The following GDPD5 variants were observed in gnomAD, a reference collection of about 807,000 sequenced individuals.
GDPD5 encodes the protein glycerophosphodiester phosphodiesterase domain containing 5.
In GDPD5, 48 loss-of-function variants were observed where a neutral mutation model predicts 75.1. The observed-to-expected ratio is 0.64, with a 90% CI of 0.51 to 0.81. GDPD5 has a LOEUF of 0.81. Ranked by LOEUF, GDPD5 falls within the 40% of genes least tolerant of loss-of-function variation. The probability of loss-of-function intolerance (pLI) is 0.00; values close to 1 mark genes in which losing one functional copy is unlikely to be tolerated. For missense variants in GDPD5, 706 were observed against 822.6 expected (o/e 0.86, Z 1.73); for synonymous variants, 336 against 339.0 (o/e 0.99, Z 0.10).
At chr11:75,444,268 G>A in intron 10 of GDPD5, 145 bp downstream of exon 10, 1 of 632,676 alleles carries the variant, frequency 1.6e-6, no homozygotes, top group Non-Finnish European at 2.9e-6. Flanking sequence ...GCAGGAACAG[G>A]GTGCCTGCCC....
chr11:75,441,411 T>C (rs920375229), intron 13 of GDPD5, 101 bp from the exon 14 acceptor site: 7 of 1,445,744 alleles, frequency 4.8e-6, no homozygotes, highest in Non-Finnish European at 6.7e-6. Flanking sequence ...CTCACAGCCA[T>C]GCCCGGGGCA....
At chr11:75,499,325 C>T (rs987538991) in intron 1 of GDPD5, among the ~76,000 whole-genome samples, 4 of 152,070 alleles carry the variant, frequency 2.6e-5, no homozygotes, top group African/African-American at 9.7e-5. Context: ...GTTTATACCC[C>T]CAAATGCCAC....
At chr11:75,468,685 C>A (rs74383075) in intron 3 of GDPD5, among the ~76,000 whole-genome samples, 2,639 of 152,134 alleles carry the variant, frequency 0.017, 36 homozygotes, top group Non-Finnish European at 0.027. Context: ...CGACGCCCCC[C>A]CCCCGGGAGG....
At chr11:75,446,614 G>A (rs1439945622) in intron 9 of GDPD5, among the ~76,000 whole-genome samples, 4 of 152,232 alleles carry the variant, frequency 2.6e-5, no homozygotes, top group Non-Finnish European at 5.9e-5. Context: ...CAGAGGGACA[G>A]GCCACATCTG....
intron 9 of GDPD5, among the ~76,000 whole-genome samples, chr11:75,447,612 AC>A (rs1411404571): frequency 1.3e-5 from 2 of 152,026 alleles, no homozygotes; most frequent in African/African-American, 4.8e-5. Flanking sequence ...CATATATTTG[AC>A]CTTTTTCTAC....
intron 3 of GDPD5, among the ~76,000 whole-genome samples, chr11:75,472,645 G>A (rs1949695015): frequency 6.6e-6 from 1 of 152,102 alleles, no homozygotes; most frequent in African/African-American, 2.4e-5. Context: ...GGGTCCGGCT[G>A]CCCCACCTGG....
chr11:75,462,412 C>T (rs531738525), intron 4 of GDPD5, among the ~76,000 whole-genome samples: 18 of 152,340 alleles, frequency 1.2e-4, no homozygotes, highest in African/African-American at 3.8e-4. Context: ...AGGTTTCAAT[C>T]CCAGTCATTC....
Position 75,449,623 on chromosome 11 carries a change from A to C in GDPD5, c.475-13T>G, listed in dbSNP as rs1471634672. The C allele has an allele frequency of 1.3e-6, 2 of 1,566,342 alleles. No homozygotes were observed. Among genetic ancestry groups the C allele is most frequent in the Non-Finnish European group, 1.7e-6 (2 of 1,154,974 alleles). ...ATGGCGCTGTGCCCTGTTTGCAGGG[A>C]GAGGGAAGGGAGACCAGTAACGCCC... On this transcript the variant is annotated splice_polypyrimidine_tract_variant and intron_variant, in intron 7 of 16. Coordinates refer to ENST00000336898, the MANE Select transcript of GDPD5 (RefSeq NM_030792.8).
intron 1 of GDPD5, among the ~76,000 whole-genome samples, chr11:75,518,197 C>T (rs989575854): frequency 7.2e-5 from 11 of 152,170 alleles, no homozygotes; most frequent in African/African-American, 2.4e-4. Flanking sequence ...TCAGAGAGAT[C>T]GTTATTGTCA....
intron 2 of GDPD5, among the ~76,000 whole-genome samples, chr11:75,479,838 T>C (rs1333554506): frequency 6.6e-6 from 1 of 152,200 alleles, no homozygotes; most frequent in African/African-American, 2.4e-5. Context: ...TTCTTTCACG[T>C]GGCATAATGT....
intron 2 of GDPD5, among the ~76,000 whole-genome samples, chr11:75,487,229 A>T (rs1950036015): frequency 6.6e-6 from 1 of 152,120 alleles, no homozygotes; most frequent in Admixed American, 6.5e-5. Flanking sequence ...GAATGGAGAG[A>T]TCCCCGGCTG....
At chr11:75,450,268 G>A in intron 6 of GDPD5, 1 of 529,252 alleles carries the variant, frequency 1.9e-6, no homozygotes. Flanking sequence ...GGAGGAGGAG[G>A]GAACTGTGAG....
At chr11:75,457,830 A>G in intron 4 of GDPD5, 44 bp from the exon 5 acceptor site, 1 of 1,472,888 alleles carries the variant, frequency 6.8e-7, no homozygotes, top group Non-Finnish European at 9.5e-7. Flanking sequence ...CCACCAGGCC[A>G]CTACCTGGCC....
At chr11:75,457,628 G>A (rs1334334699) in intron 5 of GDPD5, 65 bp downstream of exon 5, 1 of 1,372,394 alleles carries the variant, frequency 7.3e-7, no homozygotes, top group African/African-American at 1.4e-5. Context: ...CATCAGCCCA[G>A]CACAGGGCCA....
At chr11:75,462,068 C>A (rs758514554) in intron 4 of GDPD5, among the ~76,000 whole-genome samples, 1 of 152,236 alleles carries the variant, frequency 6.6e-6, no homozygotes, top group Non-Finnish European at 1.5e-5. Flanking sequence ...ATCTGCCAGC[C>A]CTGCCCAGGG....
chr11:75,482,956 C>G (rs1431312218), intron 2 of GDPD5, among the ~76,000 whole-genome samples: 1 of 152,198 alleles, frequency 6.6e-6, no homozygotes, highest in Non-Finnish European at 1.5e-5. Context: ...GACCATACTT[C>G]AGAGAAGTGC....
intron 11 of GDPD5, 25 bp from the exon 12 acceptor site, chr11:75,442,606 T>C (rs1439551017): frequency 1.9e-6 from 3 of 1,607,692 alleles, no homozygotes; most frequent in Non-Finnish European, 1.7e-6. Context: ...GACACACACA[T>C]GGCTGCATCA....
intron 15 of GDPD5, 118 bp from the exon 16 acceptor site, chr11:75,437,166 C>G: frequency 1.4e-6 from 1 of 707,292 alleles, no homozygotes; most frequent in Non-Finnish European, 2.4e-6. Flanking sequence ...GACTCTTGTC[C>G]CACTGTACAA....
At chr11:75,515,317 C>T (rs745493011) in intron 1 of GDPD5, among the ~76,000 whole-genome samples, 4 of 152,238 alleles carry the variant, frequency 2.6e-5, no homozygotes, top group Non-Finnish European at 4.4e-5. Context: ...TATCTTCTGT[C>T]CTCTCCCTGA....
Sources: allele counts gnomAD v4.1 joint callset (sites outside exome capture counted in the v4.1 genomes callset), GRCh38; gene constraint gnomAD v4.1.1; transcripts MANE v1.5; gene names NCBI Gene and HGNC (gene_info 2026-07-23, HGNC 2026-07-21).